The following CHI3L1 variants were observed in gnomAD, a reference collection of about 807,000 sequenced individuals.
The protein encoded by CHI3L1 is chitinase 3 like 1.
Under a neutral mutation model 40.7 loss-of-function variants are expected in CHI3L1, and 30 were observed. The ratio of observed to expected loss-of-function variants is 0.74; its 90% confidence interval spans 0.55 to 1.00. The LOEUF is 1.00. CHI3L1 is among the 50% of genes least tolerant of loss of function. CHI3L1 has a pLI of 0.00. For synonymous variants in CHI3L1, 210 were observed against 192.1 expected (o/e 1.09, Z -0.77); for missense variants, 493 against 492.2 (o/e 1.00, Z -0.01).
At chr1:203,184,900 G>A (rs1441614436) in intron 3 of CHI3L1, among the ~76,000 whole-genome samples, 1 of 152,196 alleles carries the variant, frequency 6.6e-6, no homozygotes, top group Non-Finnish European at 1.5e-5. Flanking sequence ...GTATGGCAAA[G>A]TAGAGTCTTG....
rs747698896 is a variant in CHI3L1, at chr1:203,186,649, G to T, written c.-26C>A. 1 of 1,614,010 alleles carries T rather than the reference G, an allele frequency of 6.2e-7. No homozygotes were observed. Among genetic ancestry groups the T allele is most frequent in the South Asian group, 1.1e-5 (1 of 91,072 alleles). ...TCTGGCTGCAGCAGAGCAGGGCAGG[G>T]TGTGGCCTCTTCCCTTGCCCACGGC... is the stretch of plus-strand genomic sequence containing the variant. On this transcript the variant is annotated 5_prime_UTR_variant, in exon 1 of 10. Transcript: ENST00000255409.
chr1:203,184,966 C>T (rs10920578), intron 3 of CHI3L1, among the ~76,000 whole-genome samples: 61,727 of 151,938 alleles, frequency 0.41, 14,168 homozygotes, highest in Non-Finnish European at 0.53. Context: ...GTTCCCCTCT[C>T]CCAGAGGGGC....
chr1:203,184,985 G>T lies in CHI3L1; in HGVS notation c.257+199C>A, dbSNP rs566263827. Among the ~76,000 whole-genome samples, 15 of 152,174 alleles carry T rather than the reference G, an allele frequency of 9.9e-5. No individual in the cohort carries two copies. The South Asian group carries it at 2.9e-3, about 29-fold the overall frequency. On this transcript the variant is annotated intron_variant, in intron 3 of 9. Coordinates refer to ENST00000255409, the MANE Select transcript of CHI3L1 (RefSeq NM_001276.4). ...CCCTCTCCCAGAGGGGCTCAGCTGCGCTTCCGTCTACAGTCTCTCATCACC... is the reference window on the plus strand; with the variant it reads ...CCCTCTCCCAGAGGGGCTCAGCTGCTCTTCCGTCTACAGTCTCTCATCACC...
chr1:203,180,033 A>C, intron 8 of CHI3L1, 156 bp from the exon 9 acceptor site: 1 of 675,498 alleles, frequency 1.5e-6, no homozygotes, highest in South Asian at 1.9e-5. Context: ...ACACAAGTTT[A>C]TACAAACCAG....
intron 3 of CHI3L1, 68 bp downstream of exon 3, chr1:203,185,116 G>C (rs1025376428): frequency 7.3e-7 from 1 of 1,377,116 alleles, no homozygotes; most frequent in Non-Finnish European, 1.0e-6. Context: ...CCTTCCTCCT[G>C]GGTGGGGTTG....
At chr1:203,180,218 A>G (rs1655904953) in intron 8 of CHI3L1, 5 of 565,974 alleles carry the variant, frequency 8.8e-6, no homozygotes, top group Non-Finnish European at 1.6e-5. Flanking sequence ...CCTGGGCTGG[A>G]AGGAAGACCT....
chr1:203,181,212 G>A lies in CHI3L1; in HGVS notation c.661C>T (p.Pro221Ser), dbSNP rs1558148062. 1.2e-6 allele frequency: 2 copies of A among 1,614,180 alleles called. No homozygotes were observed. The highest frequency in any genetic ancestry group is 1.7e-6 in the Non-Finnish European group (2 of 1,180,018). Residue 221 changes from proline (P) to serine (S), a missense_variant, in exon 7 of 10, where the codon CCC (proline) becomes TCC (serine). Transcript: ENST00000255409. ...GCATCCTCCTGACCTCGGAACAGGG[G>A]ACTGTGATGGCCTGTGGTCCCACGC... ...AWRGTTGHHSPLFRGQEDASP... is the reference protein window; with the variant it reads ...AWRGTTGHHSSLFRGQEDASP...
At position 203,183,625 on chromosome 1, in the gene CHI3L1, C is replaced by T. The variant is rs1158169905; in HGVS notation, c.465+16G>A. The T allele has an allele frequency of 2.5e-6, 4 of 1,613,836 alleles. No individual in the cohort carries two copies. The highest frequency in any genetic ancestry group is 1.3e-5 in the African/African-American group (1 of 74,930). ...TGCCTGCCCACCTCCCTCCCTGTCCCTGACCTGACCAGCACCTTGATTAGG... is the reference window on the plus strand; with the variant it reads ...TGCCTGCCCACCTCCCTCCCTGTCCTTGACCTGACCAGCACCTTGATTAGG... On this transcript the variant is annotated intron_variant, in intron 5 of 9. Transcript: ENST00000255409.
At chr1:203,185,614 A>T (rs901073921) in intron 2 of CHI3L1, among the ~76,000 whole-genome samples, 4 of 152,216 alleles carry the variant, frequency 2.6e-5, no homozygotes, top group Non-Finnish European at 4.4e-5. Flanking sequence ...CTTAGAAAAG[A>T]TCCAATGCAG....
At chr1:203,186,120 C>T (rs1341375836) in intron 2 of CHI3L1, among the ~76,000 whole-genome samples, 196 bp downstream of exon 2, 4 of 152,186 alleles carry the variant, frequency 2.6e-5, no homozygotes, top group Admixed American at 6.5e-5. Flanking sequence ...AGAATTTTCA[C>T]ATATACCAAA....
intron 6 of CHI3L1, 82 bp downstream of exon 6, chr1:203,182,649 T>C (rs1364488532): frequency 8.5e-6 from 13 of 1,525,582 alleles, no homozygotes; most frequent in Admixed American, 1.7e-5. Context: ...TCAGTCTACA[T>C]GGAGTGCTAG....
At chr1:203,183,504 G>T in intron 5 of CHI3L1, 137 bp downstream of exon 5, 1 of 848,598 alleles carries the variant, frequency 1.2e-6, no homozygotes, top group Non-Finnish European at 1.9e-6. Context: ...TCAGGGCACA[G>T]GGTCCCAGGA....
At chr1:203,180,426 G>A (rs748967303) in intron 8 of CHI3L1, 44 bp downstream of exon 8, 1 of 1,477,252 alleles carries the variant, frequency 6.8e-7, no homozygotes, top group African/African-American at 1.4e-5. Flanking sequence ...CCCCAGGGCT[G>A]CTGGTGGTGT....
In CHI3L1 at chr1:203,179,250, C is replaced by T. The variant is rs1180774901; in HGVS notation, c.*195G>A. On this transcript the variant is annotated 3_prime_UTR_variant, in exon 10 of 10. Coordinates refer to ENST00000255409, the MANE Select transcript of CHI3L1 (RefSeq NM_001276.4). The stretch of plus-strand genomic sequence containing the variant: ...ACATTGCGATGCCTCACTATCCCCA[C>T]AGCCCCATCCCTACCTCTCTGCCCA... 1 of 488,584 alleles carries T rather than the reference C, an allele frequency of 2.0e-6. No homozygotes were observed. 30.3% of individuals were successfully genotyped at this position (488,584 alleles called of 1,614,324 possible).
intron 1 of CHI3L1, 78 bp downstream of exon 1, chr1:203,186,521 G>T: frequency 1.3e-6 from 2 of 1,527,662 alleles, no homozygotes; most frequent in Non-Finnish European, 1.8e-6. Context: ...CCCTCACCCA[G>T]CAGGCAGATG....
chr1:203,184,633 C>T lies in CHI3L1; in HGVS notation c.258-1G>A. 1.2e-6 allele frequency: 2 copies of T among 1,613,858 alleles called. No homozygotes were observed. Among genetic ancestry groups the T allele is most frequent in the Non-Finnish European group, 1.7e-6 (2 of 1,179,796 alleles). The stretch of plus-strand genomic sequence containing the variant: ...CAAGAGAGTCTTCAGGTTGGGGTTC[C>T]TGTGGAGCACAGGGAGGTGGGGAGG... On this transcript the variant is annotated splice_acceptor_variant, in intron 3 of 9. Transcript: ENST00000255409. LOFTEE classifies it high-confidence loss of function.
chr1:203,180,663 T>C lies in CHI3L1; in HGVS notation c.712-11A>G. The C allele has an allele frequency of 6.5e-7, 1 of 1,540,494 alleles. No homozygotes were observed. The highest frequency in any genetic ancestry group is 8.9e-7 in the Non-Finnish European group (1 of 1,128,516). ...CCCCACAGCATAGTCCTGGGTGGGG[T>C]AGGGTGGGAACAACGTGAGCAGTTA... On this transcript the variant is annotated splice_polypyrimidine_tract_variant and intron_variant, in intron 7 of 9. Coordinates refer to ENST00000255409, the MANE Select transcript of CHI3L1 (RefSeq NM_001276.4).
chr1:203,181,952 G>A (rs1008722513), intron 6 of CHI3L1: 6 of 152,482 alleles, frequency 3.9e-5, no homozygotes, highest in African/African-American at 1.4e-4. Context: ...CAGGACCAAA[G>A]GATGACCTGA....
Position 203,179,178 on chromosome 1 carries a change from T to A in CHI3L1, c.*267A>T, listed in dbSNP as rs1167996468. The A allele has an allele frequency of 3.1e-6, 1 of 317,670 alleles. No homozygotes were observed. The highest frequency in any genetic ancestry group is 2.1e-5 in the African/African-American group (1 of 47,082). 19.7% of individuals were successfully genotyped at this position (317,670 alleles called of 1,614,324 possible). ...AATTCCCTTGCCAGGCTTGGGGATC[T>A]GTAAACATTTCCATTAATCAACAAG... On this transcript the variant is annotated 3_prime_UTR_variant, in exon 10 of 10. Transcript: ENST00000255409.
Sources: gnomAD v4.1 joint callset for allele counts (sites outside exome capture counted in the v4.1 genomes callset) on GRCh38, gnomAD v4.1.1 for gene constraint, MANE v1.5 for transcripts, NCBI Gene and HGNC (gene_info 2026-07-23, HGNC 2026-07-21) for gene names.